The following CDYL variants were observed in gnomAD, a reference collection of about 807,000 sequenced individuals.
CDYL encodes chromodomain Y-like protein.
CDYL carries 8 observed loss-of-function variants against 47.3 expected under a neutral mutation model. That is an observed-to-expected ratio of 0.17 (90% confidence interval 0.10 to 0.31). The LOEUF (loss-of-function observed/expected upper bound fraction) is 0.31, where lower values mean the gene tolerates loss of function less well. Among genes scored for constraint, CDYL ranks in the 10% least tolerant of loss-of-function variants. The pLI is 1.00. For missense variants in CDYL, 471 were observed against 701.4 expected, an observed-to-expected ratio of 0.67 and a Z score of 3.71; for synonymous variants, 266 against 265.0, an observed-to-expected ratio of 1.00 and a Z score of -0.04.
In CDYL at chr6:4,722,617, C is replaced by T. The variant is rs568999162; in HGVS notation, c.103+6736C>T. Among the ~76,000 whole-genome samples the T allele has an allele frequency of 3.0e-3, 449 of 152,004 alleles. 3 individuals carry two copies. Among genetic ancestry groups the T allele is most frequent in the African/African-American group, 0.01 (424 of 41,472 alleles). On this transcript the variant is annotated intron_variant, in intron 2 of 8. Coordinates refer to the CDYL transcript ENST00000328908. ...TCATGCCAGGCACAGTGGCTCATGCCTGTAATCCCAGCACTTTGGGAGGCC... is the reference window on the plus strand; with the variant it reads ...TCATGCCAGGCACAGTGGCTCATGCTTGTAATCCCAGCACTTTGGGAGGCC...
intron 1 of CDYL, among the ~76,000 whole-genome samples, chr6:4,831,932 T>C (rs1374751605): frequency 1.3e-5 from 2 of 152,126 alleles, no homozygotes; most frequent in Non-Finnish European, 2.9e-5. Flanking sequence ...TTTTGTATCC[T>C]GAGACTTTGC....
In CDYL at chr6:4,902,608, C is replaced by G. The variant is rs934564340; in HGVS notation, c.691+10229C>G. Among the ~76,000 whole-genome samples, 10 of 152,166 alleles carry G rather than the reference C, an allele frequency of 6.6e-5. No individual in the cohort carries two copies. The East Asian group carries it at 1.7e-3, about 26-fold the overall frequency. On this transcript the variant is annotated intron_variant, in intron 2 of 6. Transcript: ENST00000397588. ...CTCTTTTTGAATAGGTGTTCTTCCTCCTTTTCTAGTCCTATCTTTGGGAGC... is the reference window on the plus strand; with the variant it reads ...CTCTTTTTGAATAGGTGTTCTTCCTGCTTTTCTAGTCCTATCTTTGGGAGC...
intron 1 of CDYL, among the ~76,000 whole-genome samples, chr6:4,804,776 T>G (rs1443813913): frequency 6.6e-6 from 1 of 152,248 alleles, no homozygotes; most frequent in Non-Finnish European, 1.5e-5. Flanking sequence ...TGAAAAAATG[T>G]CTTTTAATGG....
In CDYL at chr6:4,734,616, C is replaced by T. The variant is rs1173067891; in HGVS notation, c.104-146C>T. ...GAATTCTCTAGATGAAAAGGAGAGACCAGTTTCTATGTTCAGTTAGACTCC... is the reference window on the plus strand; with the variant it reads ...GAATTCTCTAGATGAAAAGGAGAGATCAGTTTCTATGTTCAGTTAGACTCC... On this transcript the variant is annotated intron_variant, in intron 2 of 8. Coordinates refer to the CDYL transcript ENST00000328908. 21 of 1,125,704 alleles carry T rather than the reference C, an allele frequency of 1.9e-5. 1 individual carries two copies. The highest frequency in any genetic ancestry group is 2.2e-5 in the Non-Finnish European group (18 of 812,028). The allele number at this position is 1,125,704 out of a possible 1,614,324, so 69.7% of individuals were successfully genotyped here. A position where few individuals can be genotyped will look rare whatever the true frequency, so the allele number is the denominator to read the frequency against.
chr6:4,715,792 C>A (rs752130129), exon 2 of CDYL: 16 of 1,613,984 alleles, frequency 9.9e-6, no homozygotes, highest in African/African-American at 1.3e-5. Flanking sequence ...ACATTTCAGG[C>A]AAGCCACAGG....
At chr6:4,859,987 C>T (rs991912765) in intron 1 of CDYL, among the ~76,000 whole-genome samples, 53 of 151,726 alleles carry the variant, frequency 3.5e-4, no homozygotes, top group African/African-American at 1.2e-3. Flanking sequence ...CTGCAAGCTC[C>T]GCCTCCTGTG....
chr6:4,886,259 A>C (rs1055674931), intron 1 of CDYL, among the ~76,000 whole-genome samples: 1 of 152,184 alleles, frequency 6.6e-6, no homozygotes, highest in African/African-American at 2.4e-5. Flanking sequence ...GTAGATACCT[A>C]GGAGTGGAGT....
chr6:4,719,875 A>T (rs1246678072), intron 2 of CDYL, among the ~76,000 whole-genome samples: 2 of 152,192 alleles, frequency 1.3e-5, no homozygotes, highest in Non-Finnish European at 2.9e-5. Context: ...ACAGAAAAAA[A>T]CTTATCTGTG....
chr6:4,831,135 G>C (rs543329453), intron 1 of CDYL, among the ~76,000 whole-genome samples: 358 of 152,162 alleles, frequency 2.4e-3, no homozygotes, highest in African/African-American at 7.9e-3. Context: ...GGGATGGCTG[G>C]GTCAAATGGT....
intron 2 of CDYL, among the ~76,000 whole-genome samples, chr6:4,929,482 A>G (rs892702652): frequency 3.9e-5 from 5 of 129,014 alleles, no homozygotes; most frequent in South Asian, 2.6e-4. Context: ...TATTTCTGCA[A>G]ATGTTTTACT....
intron 3 of CDYL, among the ~76,000 whole-genome samples, chr6:4,761,115 C>A (rs528107806): frequency 1.3e-5 from 2 of 152,150 alleles, no homozygotes; most frequent in Non-Finnish European, 2.9e-5. Context: ...TTGCTCCCAA[C>A]TATTGTACAC....
chr6:4,902,180 A>G (rs904270658), intron 2 of CDYL, among the ~76,000 whole-genome samples: 12 of 152,056 alleles, frequency 7.9e-5, no homozygotes, highest in Non-Finnish European at 1.6e-4. Flanking sequence ...GAGTGGATCA[A>G]CTGAAGTCTG....
In CDYL at chr6:4,921,929, G is replaced by A. The variant is rs79074118; in HGVS notation, c.692-13586G>A. On this transcript the variant is annotated intron_variant, in intron 2 of 6. Transcript: ENST00000397588. ...TTCCCTGGGAATATTCCTAACCTCC[G>A]TGGAGAGGTTTCTTGTCAGTAACCA... 1.1e-4 allele frequency among the ~76,000 whole-genome samples: 16 copies of A among 152,110 alleles called. No individual in the cohort carries two copies. In the East Asian group the frequency reaches 3.1e-3, roughly 29 times the overall value.
At chr6:4,855,769 G>C (rs1760988155) in intron 1 of CDYL, among the ~76,000 whole-genome samples, 1 of 152,202 alleles carries the variant, frequency 6.6e-6, no homozygotes, top group African/African-American at 2.4e-5. Flanking sequence ...ACACTGTTCT[G>C]TTCTGGCTCG....
chr6:4,941,868 C>G (rs919987589), intron 4 of CDYL, among the ~76,000 whole-genome samples: 4 of 152,172 alleles, frequency 2.6e-5, no homozygotes, highest in Non-Finnish European at 5.9e-5. Context: ...CCTTCTGTTC[C>G]ATAAGGCAGA....
intron 1 of CDYL, among the ~76,000 whole-genome samples, chr6:4,834,576 A>G (rs1760240862): frequency 6.7e-6 from 1 of 149,966 alleles, no homozygotes; most frequent in Non-Finnish European, 1.5e-5. Context: ...CTCGAGGAGT[A>G]TCTTTGTGGC....
chr6:4,762,551 A>T (rs1395736969), intron 3 of CDYL, among the ~76,000 whole-genome samples: 1 of 151,400 alleles, frequency 6.6e-6, no homozygotes, highest in Non-Finnish European at 1.5e-5. Context: ...AAAGAGATTA[A>T]AAAAAAATCC....
At chr6:4,905,351 A>C (rs1040346351) in intron 2 of CDYL, among the ~76,000 whole-genome samples, 9 of 152,156 alleles carry the variant, frequency 5.9e-5, no homozygotes, top group African/African-American at 1.9e-4. Context: ...GAGCCTTCGG[A>C]CACGATGTGC....
At chr6:4,846,513 C>T (rs1422296688) in intron 1 of CDYL, among the ~76,000 whole-genome samples, 1 of 152,096 alleles carries the variant, frequency 6.6e-6, no homozygotes, top group East Asian at 1.9e-4. Context: ...CATGTGATGC[C>T]AGCATGCTTT....
Sources: gnomAD v4.1 joint callset for allele counts (sites outside exome capture counted in the v4.1 genomes callset) on GRCh38, gnomAD v4.1.1 for gene constraint, MANE v1.5 for transcripts, NCBI Gene and HGNC (gene_info 2026-07-23, HGNC 2026-07-21) for gene names.